Variants in CACNA1C observed in about 807,000 individuals in gnomAD.
The protein encoded by CACNA1C is voltage-dependent L-type calcium channel subunit alpha-1C.
CACNA1C carries 30 observed loss-of-function variants against 229.0 expected under a neutral mutation model. That is an observed-to-expected ratio of 0.13 (90% CI 0.10 to 0.18). The LOEUF (loss-of-function observed/expected upper bound fraction) is 0.18. Among genes scored for constraint, CACNA1C ranks in the 10% least tolerant of loss-of-function variants. CACNA1C has a pLI of 1.00. For missense variants in CACNA1C, 1,658 were observed against 2,845.0 expected (o/e 0.58, Z 9.49); for synonymous variants, 1,114 against 1,132.5 (o/e 0.98, Z 0.33).
chr12:2,274,391 G>T (rs1566817710), intron 3 of CACNA1C, among the ~76,000 whole-genome samples: 1 of 152,202 alleles, frequency 6.6e-6, no homozygotes, highest in South Asian at 2.1e-4. Context: ...GAAAAGGGAA[G>T]GTTTCCTTTT....
intron 44 of CACNA1C, 30 bp from the exon 45 acceptor site, chr12:2,686,136 C>G (rs2097469122): frequency 5.1e-6 from 8 of 1,571,716 alleles, no homozygotes; most frequent in Non-Finnish European, 5.3e-6. Flanking sequence ...TTTTCCTGCC[C>G]TGATGGTGGC....
chr12:2,414,082 C>T (rs1441823479), intron 3 of CACNA1C, among the ~76,000 whole-genome samples: 1 of 152,048 alleles, frequency 6.6e-6, no homozygotes, highest in African/African-American at 2.4e-5. Flanking sequence ...AAGTCCTATC[C>T]CGTCTCCGTT....
rs1409327422 is a variant in CACNA1C, at chr12:2,108,515, A to T, written c.50-6709A>T. 6.6e-6 allele frequency among the ~76,000 whole-genome samples: 1 copy of T among 152,210 alleles called. No homozygotes were observed. Among genetic ancestry groups the T allele is most frequent in the Non-Finnish European group, 1.5e-5 (1 of 68,042 alleles). Reference sequence around the variant, plus strand: ...GTTTTGATTCAGTTCTTGATTGGCAAAAGTTGTGTCAGGAATTCTCGCTCC... The same window carrying T: ...GTTTTGATTCAGTTCTTGATTGGCATAAGTTGTGTCAGGAATTCTCGCTCC... On this transcript the variant is annotated intron_variant, in intron 1 of 46. Transcript: ENST00000399655. The surrounding 1 kb of genome is among the most constrained non-coding windows in gnomAD (Gnocchi z 5.3).
chr12:2,538,558 G>A (rs183903996), intron 9 of CACNA1C, among the ~76,000 whole-genome samples: 1 of 152,030 alleles, frequency 6.6e-6, no homozygotes, highest in African/African-American at 2.4e-5. Context: ...TTCACCCTCC[G>A]GTTCAATTTA....
At chr12:2,673,542 G>A (rs983560152) in intron 38 of CACNA1C, among the ~76,000 whole-genome samples, 2 of 152,068 alleles carry the variant, frequency 1.3e-5, no homozygotes, top group Non-Finnish European at 2.9e-5. Flanking sequence ...TGGTGAAGCT[G>A]GGCTTTCATA....
chr12:2,583,060 C>G lies in CACNA1C; in HGVS notation c.2224+118C>G, dbSNP rs1471643198. ...CCTGCTCGGGCTCACACCACCCAGC[C>G]TAGAACCCCATGGCGGCGGAGGTGG... On this transcript the variant is annotated intron_variant, in intron 15 of 46. Coordinates refer to ENST00000399655, the MANE Select transcript of CACNA1C (RefSeq NM_000719.7). The G allele has an allele frequency of 4.4e-6, 3 of 686,038 alleles. No individual in the cohort carries two copies. In the African/African-American group the frequency reaches 5.3e-5, roughly 12 times the overall value. The allele number at this position is 686,038 out of a possible 1,614,324, so 42.5% of individuals were successfully genotyped here. A position where few individuals can be genotyped will look rare whatever the true frequency, so the allele number is the denominator to read the frequency against.
intron 3 of CACNA1C, among the ~76,000 whole-genome samples, chr12:2,435,351 T>C (rs557491367): frequency 1.5e-4 from 23 of 152,358 alleles, no homozygotes; most frequent in Non-Finnish European, 3.1e-4. Context: ...AATTTGTCCA[T>C]GGCATGTGTC....
chr12:2,396,313 C>T (rs1001271736), intron 3 of CACNA1C, among the ~76,000 whole-genome samples: 1 of 152,108 alleles, frequency 6.6e-6, no homozygotes, highest in Non-Finnish European at 1.5e-5. Flanking sequence ...ATTTTTGCAG[C>T]CTGATTGTCT....
intron 3 of CACNA1C, among the ~76,000 whole-genome samples, chr12:2,249,044 G>A (rs1566662549): frequency 1.3e-5 from 2 of 152,194 alleles, no homozygotes; most frequent in African/African-American, 2.4e-5. Flanking sequence ...TGGTTGTCAC[G>A]TTTCATTTCT....
At chr12:2,063,076 C>G (rs2215096) in intron 1 of CACNA1C, among the ~76,000 whole-genome samples, 4,830 of 152,206 alleles carry the variant, frequency 0.032, 166 homozygotes, top group African/African-American at 0.086. Flanking sequence ...ATTCCCCTCT[C>G]TCTCCAGCCC....
At chr12:2,607,736 C>A (rs2076001225) in intron 26 of CACNA1C, 1 of 152,318 alleles carries the variant, frequency 6.6e-6, no homozygotes, top group Non-Finnish European at 1.5e-5. Flanking sequence ...ATCCTTATAT[C>A]TTTGTATAGA....
intron 9 of CACNA1C, among the ~76,000 whole-genome samples, chr12:2,515,042 T>A (rs2099793414): frequency 6.6e-6 from 1 of 152,238 alleles, no homozygotes; most frequent in South Asian, 2.1e-4. Context: ...TGGAGACTGG[T>A]TTCTCTCACC....
At position 2,232,227 on chromosome 12, in the gene CACNA1C, GTTTTTTTTTTTT is replaced by G. The variant is rs1169407536; in HGVS notation, c.477+111811_477+111822del. 8.7e-4 allele frequency among the ~76,000 whole-genome samples: 64 copies of G among 73,562 alleles called. No individual in the cohort carries two copies. In the South Asian group the frequency reaches 0.025, roughly 29 times the overall value. 48.3% of individuals were successfully genotyped at this position (73,562 alleles called of 152,430 possible). On this transcript the variant is annotated intron_variant, in intron 3 of 46. Transcript: ENST00000399655. ...TGGTGGTAGTTCTCAGTCTTTCCTT[GTTTTTTTTTTTT>G]TTTTTTTTTTTTTGTTTGTTTGTTT...
chr12:2,163,567 G>A (rs2154251537), intron 3 of CACNA1C, among the ~76,000 whole-genome samples: 1 of 152,246 alleles, frequency 6.6e-6, no homozygotes, highest in Non-Finnish European at 1.5e-5. Flanking sequence ...TTTCTAGTGG[G>A]GGTAAGGAAA....
At chr12:2,126,640 G>A (rs1214943071) in intron 3 of CACNA1C, among the ~76,000 whole-genome samples, 1 of 152,212 alleles carries the variant, frequency 6.6e-6, no homozygotes, top group Admixed American at 6.5e-5. Flanking sequence ...CTTTTGGCTG[G>A]GCTTTCTTCC....
chr12:2,073,934 T>C (rs2062243132), intron 1 of CACNA1C, among the ~76,000 whole-genome samples: 1 of 152,144 alleles, frequency 6.6e-6, no homozygotes, highest in Admixed American at 6.5e-5. Context: ...CCCTGAACCA[T>C]TGCCTAAGCT....
intron 1 of CACNA1C, among the ~76,000 whole-genome samples, chr12:2,097,387 C>A (rs1165031887): frequency 2.6e-5 from 4 of 152,040 alleles, no homozygotes; most frequent in Non-Finnish European, 1.5e-5. Context: ...ACCTTGTGAT[C>A]CGCCCGCCTC....
chr12:2,570,184 G>A (rs894030242), intron 13 of CACNA1C, among the ~76,000 whole-genome samples: 1 of 152,228 alleles, frequency 6.6e-6, no homozygotes, highest in South Asian at 2.1e-4. Context: ...TGCTTTGGGG[G>A]CTCCCAAAAT....
At chr12:2,572,691 C>CTCCTTCTCCTCT (rs1305721258) in intron 13 of CACNA1C, among the ~76,000 whole-genome samples, 4 of 95,024 alleles carry the variant, frequency 4.2e-5, no homozygotes, top group African/African-American at 1.7e-4. Context: ...TCTTCTCTTC[C>CTCCTTCTCCTCT]TCCTTCTCCT....
Sources: gnomAD v4.1 joint callset for allele counts (sites outside exome capture counted in the v4.1 genomes callset) on GRCh38, gnomAD v4.1.1 for gene constraint, Gnocchi (gnomAD v3.1) non-coding constraint, MANE v1.5 for transcripts, NCBI Gene and HGNC (gene_info 2026-07-23, HGNC 2026-07-21) for gene names.